The following PRKCH variants were observed in gnomAD, a reference collection of about 807,000 sequenced individuals.
PRKCH encodes the protein protein kinase C eta, also known as protein kinase C eta type.
In PRKCH, 28 loss-of-function variants were observed where a neutral mutation model predicts 82.5. That is an observed-to-expected ratio of 0.34 (90% confidence interval 0.25 to 0.47). The LOEUF is 0.47. Among genes scored for constraint, PRKCH ranks in the 20% least tolerant of loss-of-function variants. The probability of loss-of-function intolerance (pLI) is 1.00; values close to 1 mark genes in which losing one functional copy is unlikely to be tolerated. For missense variants in PRKCH, 705 were observed against 881.8 expected, an observed-to-expected ratio of 0.80 and a Z score of 2.54; for synonymous variants, 322 against 327.4, an observed-to-expected ratio of 0.98 and a Z score of 0.18.
At chr14:61,207,407 C>T (rs2044535333) in intron 1 of PRKCH, among the ~76,000 whole-genome samples, 1 of 152,172 alleles carries the variant, frequency 6.6e-6, no homozygotes, top group African/African-American at 2.4e-5. Flanking sequence ...ATTCGGAAGA[C>T]TCAATCCACT....
chr14:61,507,336 A>T (rs1321551783), intron 10 of PRKCH, among the ~76,000 whole-genome samples: 1 of 152,128 alleles, frequency 6.6e-6, no homozygotes, highest in Non-Finnish European at 1.5e-5. Flanking sequence ...TGTTGGTGGA[A>T]ATGTAAATTG....
intron 1 of PRKCH, among the ~76,000 whole-genome samples, chr14:61,336,828 G>A (rs942175838): frequency 9.2e-5 from 14 of 152,088 alleles, no homozygotes; most frequent in African/African-American, 3.1e-4. Flanking sequence ...CAGCACTATG[G>A]GGGGCTGAGG....
At chr14:61,197,587 T>G (rs979190743) in intron 1 of PRKCH, among the ~76,000 whole-genome samples, 3 of 152,166 alleles carry the variant, frequency 2.0e-5, no homozygotes, top group African/African-American at 4.8e-5. Context: ...TCCCCTCCCA[T>G]GATAACTCAT....
intron 2 of PRKCH, among the ~76,000 whole-genome samples, chr14:61,436,317 G>A (rs1566881063): frequency 6.6e-6 from 1 of 152,140 alleles, no homozygotes; most frequent in Non-Finnish European, 1.5e-5. Context: ...TGGTGTTTGT[G>A]TGGGCTGAGA....
chr14:61,477,067 G>C (rs1193418130), intron 9 of PRKCH: 1 of 152,190 alleles, frequency 6.6e-6, no homozygotes, highest in East Asian at 1.9e-4. Flanking sequence ...TCACCCTGTA[G>C]ATGACTTTGT....
intron 2 of PRKCH, among the ~76,000 whole-genome samples, chr14:61,442,393 G>A (rs17098373): frequency 0.015 from 2,330 of 152,216 alleles, 75 homozygotes; most frequent in East Asian, 0.079. Context: ...TGTGCTGTGG[G>A]CGATTCCCTC....
chr14:61,547,691 G>C, intron 12 of PRKCH, 52 bp from the exon 13 acceptor site: 1 of 1,580,730 alleles, frequency 6.3e-7, no homozygotes, highest in Non-Finnish European at 8.6e-7. Context: ...GTCTTGTGAC[G>C]TGCTGGTTGT....
intron 10 of PRKCH, among the ~76,000 whole-genome samples, chr14:61,513,282 A>T (rs2042774524): frequency 1.3e-5 from 2 of 152,218 alleles, no homozygotes; most frequent in Admixed American, 6.5e-5. Flanking sequence ...TTAATTGGCT[A>T]CCCAGCCTTG....
chr14:61,547,952 C>G, intron 13 of PRKCH, 66 bp downstream of exon 13: 2 of 1,569,968 alleles, frequency 1.3e-6, no homozygotes, highest in Non-Finnish European at 1.7e-6. Context: ...CACCAAAGTC[C>G]GTAGAAGAGC....
intron 1 of PRKCH, among the ~76,000 whole-genome samples, chr14:61,331,568 G>C (rs1417594267): frequency 6.6e-6 from 1 of 152,098 alleles, no homozygotes; most frequent in Admixed American, 6.6e-5. Context: ...TTTTTATTTC[G>C]TTATACAACT....
intron 12 of PRKCH, among the ~76,000 whole-genome samples, chr14:61,546,264 G>C (rs1048641847): frequency 6.6e-6 from 1 of 152,172 alleles, no homozygotes; most frequent in East Asian, 1.9e-4. Flanking sequence ...TGAATCCTGG[G>C]TGACCACTGT....
At position 61,280,628 on chromosome 14, in the gene PRKCH, A is replaced by C. The variant is rs1409591458; in HGVS notation, c.-19+92960A>C. The C allele has an allele frequency of 1.3e-6, 2 of 1,577,692 alleles. No individual in the cohort carries two copies. The highest frequency in any genetic ancestry group is 1.7e-6 in the Non-Finnish European group (2 of 1,162,148). ...GGCTGGCGCTGGTGCCAAAGCGAGAAGGAGTCGTTGAAGAGGCTGTTGGCG... is the reference window on the plus strand; with the variant it reads ...GGCTGGCGCTGGTGCCAAAGCGAGACGGAGTCGTTGAAGAGGCTGTTGGCG... On this transcript the variant is annotated intron_variant, in intron 1 of 3. Coordinates refer to the PRKCH transcript ENST00000555185. This position sits in a 1 kb window ranked among gnomAD's most constrained non-coding sequence, Gnocchi z 5.0.
intron 1 of PRKCH, among the ~76,000 whole-genome samples, chr14:61,328,401 C>T (rs1384790648): frequency 8.0e-6 from 1 of 124,668 alleles, no homozygotes; most frequent in Admixed American, 8.9e-5. Context: ...ACTTGTAATA[C>T]GTTATAACGT....
In PRKCH at chr14:61,280,240, A is replaced by G; in HGVS notation, c.-19+92572A>G. 1 of 1,614,130 alleles carries G rather than the reference A, an allele frequency of 6.2e-7. No individual in the cohort carries two copies. The highest frequency in any genetic ancestry group is 8.5e-7 in the Non-Finnish European group (1 of 1,180,002). ...ACCCATCCACGAGATGCTGCTGAAGATGAGGAGCTTGTGGCCGCCGAACGC... is the reference window on the plus strand; with the variant it reads ...ACCCATCCACGAGATGCTGCTGAAGGTGAGGAGCTTGTGGCCGCCGAACGC... On this transcript the variant is annotated intron_variant, in intron 1 of 3. Coordinates refer to the PRKCH transcript ENST00000555185. This position sits in a 1 kb window ranked among gnomAD's most constrained non-coding sequence, Gnocchi z 5.0.
intron 9 of PRKCH, among the ~76,000 whole-genome samples, chr14:61,469,425 C>G (rs549726504): frequency 6.6e-6 from 1 of 152,322 alleles, no homozygotes; most frequent in African/African-American, 2.4e-5. Context: ...GAAGTACAAC[C>G]TGATTGGCTG....
At chr14:61,456,910 A>G (rs990642888) in intron 7 of PRKCH, 4 of 353,962 alleles carry the variant, frequency 1.1e-5, no homozygotes, top group Non-Finnish European at 2.1e-5. Context: ...TGGTGTTTCC[A>G]TGCACTTCCA....
intron 6 of PRKCH, among the ~76,000 whole-genome samples, chr14:61,451,618 T>C (rs536753190): frequency 4.1e-4 from 62 of 152,272 alleles, no homozygotes; most frequent in African/African-American, 1.4e-3. Flanking sequence ...TAGCAAAGGC[T>C]CTGAGTGGGT....
chr14:61,425,798 C>A (rs1240527386), intron 2 of PRKCH, among the ~76,000 whole-genome samples: 1 of 152,172 alleles, frequency 6.6e-6, no homozygotes, highest in Non-Finnish European at 1.5e-5. Context: ...ATCTTGAATT[C>A]TAATCCCCAA....
intron 1 of PRKCH, chr14:61,279,904 T>C: frequency 1.7e-6 from 1 of 599,618 alleles, no homozygotes; most frequent in Non-Finnish European, 2.9e-6. Context: ...TCAACATCCC[T>C]CCCCGCGGCA....
Sources: gnomAD v4.1 joint callset for allele counts (sites outside exome capture counted in the v4.1 genomes callset) on GRCh38, gnomAD v4.1.1 for gene constraint, Gnocchi (gnomAD v3.1) non-coding constraint, MANE v1.5 for transcripts, NCBI Gene and HGNC (gene_info 2026-07-23, HGNC 2026-07-21) for gene names.